The following RAD23B variants were observed in gnomAD, a reference collection of about 807,000 sequenced individuals.
RAD23B encodes lysine-specific demethylase RAD23B.
RAD23B carries 5 observed loss-of-function variants against 49.1 expected under a neutral mutation model. The ratio of observed to expected loss-of-function variants is 0.10; its 90% CI spans 0.05 to 0.21. The LOEUF is 0.21. Ranked by LOEUF, RAD23B falls within the 10% of genes least tolerant of loss-of-function variation. The probability of loss-of-function intolerance (pLI) is 1.00; values close to 1 mark genes in which losing one functional copy is unlikely to be tolerated. For missense variants in RAD23B, 356 were observed against 486.7 expected, an observed-to-expected ratio of 0.73 and a Z score of 2.53; for synonymous variants, 184 against 165.4, an observed-to-expected ratio of 1.11 and a Z score of -0.86.
rs1225304399 is a variant in RAD23B at position 107,325,715 on chromosome 9, A to G, written c.1116+711A>G. Among the ~76,000 whole-genome samples the G allele has an allele frequency of 2.6e-5, 4 of 152,180 alleles. No homozygotes were observed. In the East Asian group the frequency reaches 7.7e-4, roughly 29 times the overall value. On this transcript the variant is annotated intron_variant, in intron 9 of 9. Transcript: ENST00000358015. The stretch of plus-strand genomic sequence containing the variant: ...TGGAGACAGTTTTACTTCTTTTCCA[A>G]TATGGATACCTTTTATTTCTTTGTC...
chr9:107,319,122 T>A lies in RAD23B; in HGVS notation c.681+243T>A, dbSNP rs1473326964. On this transcript the variant is annotated intron_variant, in intron 6 of 9. Coordinates refer to ENST00000358015, the MANE Select transcript of RAD23B (RefSeq NM_002874.5). ...GTGAATTATTCAGAACAAAAATTTC[T>A]TTTTTCTTTTTTTTTTTTTTTTTTT... Among the ~76,000 whole-genome samples, 5 of 101,066 alleles carry A rather than the reference T, an allele frequency of 4.9e-5. No individual in the cohort carries two copies. The East Asian group carries it at 1.3e-3, about 26-fold the overall frequency. 66.3% of individuals were successfully genotyped at this position (101,066 alleles called of 152,430 possible). A position where few individuals can be genotyped will look rare whatever the true frequency, so the allele number is the denominator to read the frequency against.
intron 1 of RAD23B, among the ~76,000 whole-genome samples, chr9:107,293,613 G>A (rs769767114): frequency 1.3e-5 from 2 of 152,188 alleles, no homozygotes; most frequent in African/African-American, 2.4e-5. Context: ...TGAGCACGCT[G>A]TTATATGGAA....
At chr9:107,298,124 A>G (rs1326204602) in intron 1 of RAD23B, among the ~76,000 whole-genome samples, 3 of 152,158 alleles carry the variant, frequency 2.0e-5, no homozygotes, top group Non-Finnish European at 2.9e-5. Context: ...TCTACAAACA[A>G]AGTTTGAGAA....
chr9:107,316,931 G>A (rs1452560990), intron 5 of RAD23B, among the ~76,000 whole-genome samples: 2 of 152,206 alleles, frequency 1.3e-5, no homozygotes, highest in Non-Finnish European at 1.5e-5. Context: ...ACTGAAGCAT[G>A]TTGAAGGAAC....
At chr9:107,300,026 T>G in intron 1 of RAD23B, 115 bp from the exon 2 acceptor site, 1 of 1,300,952 alleles carries the variant, frequency 7.7e-7, no homozygotes. Context: ...TATTTGAGGT[T>G]TTGGAAACAT....
Position 107,306,366 on chromosome 9 carries a change from T to C in RAD23B, c.229-13T>C, listed in dbSNP as rs777269357. The C allele has an allele frequency of 5.6e-6, 9 of 1,603,508 alleles. No homozygotes were observed. The Admixed American group carries it at 8.4e-5, about 15-fold the overall frequency. Reference sequence around the variant, plus strand: ...TATTTTATTGTAATTATTTTGTCTTTTAATGTGTTTAGCCCAAAGCAGTGT... The same window carrying C: ...TATTTTATTGTAATTATTTTGTCTTCTAATGTGTTTAGCCCAAAGCAGTGT... On this transcript the variant is annotated splice_polypyrimidine_tract_variant and intron_variant, in intron 3 of 9. Transcript: ENST00000358015.
At chr9:107,325,658 T>G (rs2133099003) in intron 9 of RAD23B, among the ~76,000 whole-genome samples, 1 of 152,352 alleles carries the variant, frequency 6.6e-6, no homozygotes, top group East Asian at 1.9e-4. Context: ...TTCATTAGGA[T>G]TTTCCATATA....
intron 4 of RAD23B, among the ~76,000 whole-genome samples, chr9:107,309,548 A>T (rs1826847754): frequency 6.6e-6 from 1 of 152,196 alleles, no homozygotes; most frequent in African/African-American, 2.4e-5. Context: ...GAGAGGGGAG[A>T]AGTAGTGAGA....
chr9:107,316,080 G>A (rs1303354943), intron 5 of RAD23B, among the ~76,000 whole-genome samples: 1 of 151,826 alleles, frequency 6.6e-6, no homozygotes, highest in African/African-American at 2.4e-5. Context: ...CGTGATCTTG[G>A]CTCACTGCAA....
chr9:107,313,423 C>T (rs1826928906), intron 5 of RAD23B, among the ~76,000 whole-genome samples: 1 of 152,166 alleles, frequency 6.6e-6, no homozygotes, highest in Admixed American at 6.5e-5. Context: ...GATGGGGTTT[C>T]ACCCTGCTAG....
chr9:107,330,333 G>A lies in RAD23B; in HGVS notation c.*677G>A, dbSNP rs1408575425. 6.6e-6 allele frequency: 1 copy of A among 152,566 alleles called. No homozygotes were observed. Among genetic ancestry groups the A allele is most frequent in the Admixed American group, 6.5e-5 (1 of 15,276 alleles). 9.5% of individuals were successfully genotyped at this position (152,566 alleles called of 1,614,324 possible). On this transcript the variant is annotated 3_prime_UTR_variant, in exon 10 of 10. Coordinates refer to ENST00000358015, the MANE Select transcript of RAD23B (RefSeq NM_002874.5). The surrounding 1 kb of genome is among the most constrained non-coding windows in gnomAD (Gnocchi z 4.4). ...TAACATGATTTGAGAAGCTGTACAA[G>A]TATAGGCAGAGTTATTTTCCTGTTT...
At chr9:107,286,861 A>G (rs536644559) in intron 1 of RAD23B, among the ~76,000 whole-genome samples, 6 of 152,224 alleles carry the variant, frequency 3.9e-5, no homozygotes, top group African/African-American at 1.4e-4. Flanking sequence ...TCACAAGGTC[A>G]GGAGATCGAG....
At chr9:107,311,109 C>T (rs995463985) in intron 4 of RAD23B, among the ~76,000 whole-genome samples, 2 of 152,170 alleles carry the variant, frequency 1.3e-5, no homozygotes, top group African/African-American at 2.4e-5. Flanking sequence ...CCAACAGAAA[C>T]TTAATCTCTT....
chr9:107,291,572 C>G (rs2133065435), intron 1 of RAD23B, among the ~76,000 whole-genome samples: 1 of 152,148 alleles, frequency 6.6e-6, no homozygotes, highest in African/African-American at 2.4e-5. Context: ...TTCCTTGGGT[C>G]CAGTGAGGAG....
chr9:107,328,631 T>C (rs1827253162), intron 9 of RAD23B, among the ~76,000 whole-genome samples: 1 of 152,182 alleles, frequency 6.6e-6, no homozygotes, highest in South Asian at 2.1e-4. Context: ...CAGATGAAGC[T>C]TCACTTGTTC....
intron 1 of RAD23B, among the ~76,000 whole-genome samples, chr9:107,286,698 G>T (rs569797362): frequency 1.9e-4 from 29 of 152,238 alleles, no homozygotes; most frequent in African/African-American, 7.0e-4. Flanking sequence ...TGTAAAAATT[G>T]TGGGAGACTT....
chr9:107,325,707 C>T lies in RAD23B; in HGVS notation c.1116+703C>T, dbSNP rs112355983. On this transcript the variant is annotated intron_variant, in intron 9 of 9. Coordinates refer to ENST00000358015, the MANE Select transcript of RAD23B (RefSeq NM_002874.5). ...TCTGCACATGGAGACAGTTTTACTTCTTTTCCAATATGGATACCTTTTATT... is the reference window on the plus strand; with the variant it reads ...TCTGCACATGGAGACAGTTTTACTTTTTTTCCAATATGGATACCTTTTATT... Among the ~76,000 whole-genome samples, 1,423 of 152,260 alleles carry T rather than the reference C, an allele frequency of 9.3e-3. 22 individuals are homozygous for T. The highest frequency in any genetic ancestry group is 0.032 in the African/African-American group (1,341 of 41,538).
At chr9:107,327,299 C>T (rs1444574517) in intron 9 of RAD23B, among the ~76,000 whole-genome samples, 2 of 152,004 alleles carry the variant, frequency 1.3e-5, no homozygotes, top group Non-Finnish European at 2.9e-5. Flanking sequence ...CTCTTGCTTG[C>T]TTCTAGTTTG....
intron 8 of RAD23B, 136 bp downstream of exon 8, chr9:107,324,153 A>G (rs1457353653): frequency 2.8e-6 from 3 of 1,052,656 alleles, no homozygotes; most frequent in African/African-American, 3.2e-5. Flanking sequence ...CTACACTTAG[A>G]TATTGTAATC....
Sources: allele counts gnomAD v4.1 joint callset (sites outside exome capture counted in the v4.1 genomes callset), GRCh38; gene constraint gnomAD v4.1.1; non-coding constraint Gnocchi (gnomAD v3.1); transcripts MANE v1.5; gene names NCBI Gene and HGNC (gene_info 2026-07-23, HGNC 2026-07-21).